The following CCDC34 variants were observed in gnomAD, a reference collection of about 807,000 sequenced individuals.
CCDC34 encodes the protein coiled-coil domain containing 34.
Under a neutral mutation model 44.1 loss-of-function variants are expected in CCDC34, and 40 were observed. That is an observed-to-expected ratio of 0.91 (90% CI 0.70 to 1.18). CCDC34 has a LOEUF of 1.18. Ranked by LOEUF, CCDC34 falls within the 50% of genes most tolerant of loss-of-function variation. The probability of loss-of-function intolerance (pLI) is 0.00; values close to 1 mark genes in which losing one functional copy is unlikely to be tolerated. For synonymous variants in CCDC34, 159 were observed against 158.2 expected, an observed-to-expected ratio of 1.01 and a Z score of -0.04; for missense variants, 466 against 452.3, an observed-to-expected ratio of 1.03 and a Z score of -0.28.
chr11:27,341,630 T>C (rs2133338564), intron 3 of CCDC34, 80 bp from the exon 4 acceptor site: 3 of 601,508 alleles, frequency 5.0e-6, no homozygotes, highest in Middle Eastern at 9.4e-4. Context: ...ATTCAGCAAT[T>C]TTCTAAACTT....
rs759623283 is a variant in CCDC34 at position 27,341,517 on chromosome 11, C to A, written c.640G>T (p.Glu214Ter). The change falls in exon 4 of 6, where the codon GAA (glutamate) becomes TAA (stop). Residue 214 changes from glutamate to a stop codon, truncating the protein, a stop_gained. Transcript: ENST00000328697. LOFTEE classifies it high-confidence loss of function. ...RKEREQKINK[E>*]MEEKAAKELE... ...TCCTTTGCTGCTTTTTCCTCCATTT[C>A]TTTATTAATTTTTTGTTCTCTTTCT... 2 of 1,347,086 alleles carry A rather than the reference C, an allele frequency of 1.5e-6. No homozygotes were observed. The highest frequency in any genetic ancestry group is 5.3e-5 in the East Asian group (2 of 37,726). 83.4% of individuals were successfully genotyped at this position (1,347,086 alleles called of 1,614,324 possible). A position where few individuals can be genotyped will look rare whatever the true frequency, so the allele number is the denominator to read the frequency against.
chr11:27,362,555 CAG>C (rs1371846680), intron 1 of CCDC34, among the ~76,000 whole-genome samples: 6 of 152,252 alleles, frequency 3.9e-5, no homozygotes, highest in South Asian at 2.1e-4. Context: ...GAAATGGTAG[CAG>C]AGTTTTGTGT....
At chr11:27,355,336 T>G (rs59110939) in intron 2 of CCDC34, among the ~76,000 whole-genome samples, 14,496 of 152,078 alleles carry the variant, frequency 0.095, 1,011 homozygotes, top group African/African-American at 0.2. Context: ...TACATATATA[T>G]AGAGAGATAT....
chr11:27,358,881 T>C (rs1255662717), intron 1 of CCDC34, among the ~76,000 whole-genome samples: 2 of 151,520 alleles, frequency 1.3e-5, no homozygotes, highest in Non-Finnish European at 2.9e-5. Flanking sequence ...CGTCAGTGAA[T>C]GTTATCACCC....
intron 3 of CCDC34, chr11:27,348,777 A>C (rs1452492331): frequency 1.2e-6 from 1 of 838,834 alleles, no homozygotes; most frequent in African/African-American, 1.9e-5. Context: ...ACTATGTCTG[A>C]AAGAAGAAAT....
At chr11:27,345,919 C>T (rs1044619462) in intron 3 of CCDC34, among the ~76,000 whole-genome samples, 2 of 152,070 alleles carry the variant, frequency 1.3e-5, no homozygotes, top group Middle Eastern at 3.4e-3. Flanking sequence ...AAAAGTGTTC[C>T]TATTTCTCCA....
rs555177648 is a variant in CCDC34, at chr11:27,339,557, A to T, written c.908-522T>A. Among the ~76,000 whole-genome samples, 34 of 152,314 alleles carry T rather than the reference A, an allele frequency of 2.2e-4. No homozygotes were observed. The South Asian group carries it at 6.2e-3, about 28-fold the overall frequency. ...CTGTAATTGTGATTATGAGTTACGGAGCATTCTTTTGCTAATGTATATGAA... is the reference window on the plus strand; with the variant it reads ...CTGTAATTGTGATTATGAGTTACGGTGCATTCTTTTGCTAATGTATATGAA... On this transcript the variant is annotated intron_variant, in intron 5 of 5. Coordinates refer to ENST00000328697, the MANE Select transcript of CCDC34 (RefSeq NM_030771.2).
At chr11:27,350,167 G>A (rs887091591) in intron 3 of CCDC34, 165 bp downstream of exon 3, 15 of 1,523,442 alleles carry the variant, frequency 9.8e-6, no homozygotes, top group African/African-American at 1.4e-5. Context: ...GCAAAGGGCA[G>A]AAGATAGAGA....
intron 3 of CCDC34, among the ~76,000 whole-genome samples, chr11:27,348,289 A>G (rs182293416): frequency 6.6e-6 from 1 of 152,380 alleles, no homozygotes; most frequent in Admixed American, 6.5e-5. Context: ...TATCCATCAT[A>G]TACCTTGTTG....
At chr11:27,343,580 T>C (rs1012223712) in intron 3 of CCDC34, among the ~76,000 whole-genome samples, 5 of 152,186 alleles carry the variant, frequency 3.3e-5, no homozygotes, top group East Asian at 1.9e-4. Context: ...GATCTACAAA[T>C]TGAAAAGGAC....
Position 27,341,392 on chromosome 11 carries a change from C to T in CCDC34, c.765G>A (p.Lys255=). The T allele has an allele frequency of 7.0e-7, 1 of 1,424,464 alleles. No homozygotes were observed. Among genetic ancestry groups the T allele is most frequent in the Non-Finnish European group, 9.5e-7 (1 of 1,052,164 alleles). The allele number at this position is 1,424,464 out of a possible 1,614,324, so 88.2% of individuals were successfully genotyped here. ...TAACTGGTCACTTTAATAAAAATAC[C>T]TTTTCTTTCTTCTTCCTCTCACATT... ...AEECERKKKE[K]EKEKQQQAEI... Residue 255 remains lysine (K), a splice_region_variant and synonymous_variant, in exon 4 of 6, where the codon AAG becomes AAA. Coordinates refer to ENST00000328697, the MANE Select transcript of CCDC34 (RefSeq NM_030771.2).
intron 5 of CCDC34, among the ~76,000 whole-genome samples, chr11:27,339,826 A>G (rs906585555): frequency 6.6e-6 from 1 of 152,234 alleles, no homozygotes; most frequent in African/African-American, 2.4e-5. Context: ...CCATTATTTT[A>G]GCAGTTAACT....
chr11:27,360,457 G>A (rs945359913), intron 1 of CCDC34, among the ~76,000 whole-genome samples: 2 of 152,196 alleles, frequency 1.3e-5, no homozygotes, highest in Admixed American at 6.5e-5. Flanking sequence ...AGCCTTACCC[G>A]ATTCGTTTTG....
At chr11:27,359,760 C>A (rs1466800050) in intron 1 of CCDC34, among the ~76,000 whole-genome samples, 1 of 152,212 alleles carries the variant, frequency 6.6e-6, no homozygotes, top group Non-Finnish European at 1.5e-5. Context: ...TTGCATGAAA[C>A]TATCCATGCT....
At chr11:27,351,744 G>A (rs1318668663) in intron 2 of CCDC34, among the ~76,000 whole-genome samples, 1 of 152,088 alleles carries the variant, frequency 6.6e-6, no homozygotes, top group African/African-American at 2.4e-5. Context: ...TTCAGAGAAG[G>A]GAAGGGAAGA....
At chr11:27,346,573 T>C (rs1862438609) in intron 3 of CCDC34, among the ~76,000 whole-genome samples, 2 of 152,128 alleles carry the variant, frequency 1.3e-5, no homozygotes, top group Non-Finnish European at 2.9e-5. Flanking sequence ...AAGAGACTTA[T>C]AGTCTGAATA....
At chr11:27,352,581 C>T (rs1321893559) in intron 2 of CCDC34, among the ~76,000 whole-genome samples, 1 of 151,866 alleles carries the variant, frequency 6.6e-6, no homozygotes, top group Non-Finnish European at 1.5e-5. Flanking sequence ...CTGACAACTA[C>T]ATATCAAAAA....
At position 27,363,197 on chromosome 11, in the gene CCDC34, G is replaced by C. The variant is rs765146872; in HGVS notation, c.-3C>G. ...CCCCAGCGCCCCGCCGCCCACATCT[G>C]GCCCGCCAAGTTCAAACTGGCGGAG... On this transcript the variant is annotated 5_prime_UTR_variant, in exon 1 of 6. Transcript: ENST00000328697. 1 of 1,470,124 alleles carries C rather than the reference G, an allele frequency of 6.8e-7. No individual in the cohort carries two copies. Among genetic ancestry groups the C allele is most frequent in the Admixed American group, 2.5e-5 (1 of 40,072 alleles). 91.1% of individuals were successfully genotyped at this position (1,470,124 alleles called of 1,614,324 possible).
At chr11:27,349,619 C>G (rs894265675) in intron 3 of CCDC34, 1 of 983,078 alleles carries the variant, frequency 1.0e-6, no homozygotes. Flanking sequence ...ACAAATTGAC[C>G]ACAGAATAAG....
Sources: gnomAD v4.1 joint callset for allele counts (sites outside exome capture counted in the v4.1 genomes callset) on GRCh38, gnomAD v4.1.1 for gene constraint, MANE v1.5 for transcripts, NCBI Gene and HGNC (gene_info 2026-07-23, HGNC 2026-07-21) for gene names.